The following DPP6 variants were observed in gnomAD, a reference collection of about 807,000 sequenced individuals.
DPP6 encodes the protein A-type potassium channel modulatory protein DPP6.
DPP6 carries 69 observed loss-of-function variants against 122.6 expected under a neutral mutation model. The observed-to-expected ratio is 0.56, with a 90% CI of 0.46 to 0.69. The LOEUF is 0.69. Ranked by LOEUF, DPP6 falls within the 30% of genes least tolerant of loss-of-function variation. The pLI is 0.00. For missense variants in DPP6, 928 were observed against 1,116.9 expected, an observed-to-expected ratio of 0.83 and a Z score of 2.41; for synonymous variants, 418 against 433.1, an observed-to-expected ratio of 0.97 and a Z score of 0.43.
At chr7:153,883,267 A>T (rs1303675344), upstream of DPP6, among the ~76,000 whole-genome samples, 1 of 152,238 alleles carries the variant, frequency 6.6e-6, no homozygotes, top group East Asian at 1.9e-4. Context: ...GCTGTCTTCA[A>T]ATGGTTCCGA....
At chr7:154,470,087 C>CTAAA (rs1267952253) in intron 2 of DPP6, among the ~76,000 whole-genome samples, 3 of 152,182 alleles carry the variant, frequency 2.0e-5, no homozygotes, top group African/African-American at 2.4e-5. Flanking sequence ...ACAAATTGTT[C>CTAAA]TAAATACAAA....
chr7:154,230,201 T>C (rs764636115), intron 1 of DPP6, among the ~76,000 whole-genome samples: 6 of 152,116 alleles, frequency 3.9e-5, no homozygotes, highest in Non-Finnish European at 7.3e-5. Context: ...TCTGATGGTA[T>C]GCACGAAGCA....
At chr7:153,872,462 A>T in the DPP6 span, among the ~76,000 whole-genome samples, 2 of 152,200 alleles carry the variant, frequency 1.3e-5, no homozygotes, top group South Asian at 2.1e-4. Flanking sequence ...TAAATATGTA[A>T]TTTTTATTAA....
upstream of DPP6, among the ~76,000 whole-genome samples, chr7:154,049,618 G>A (rs1378737512): frequency 7.3e-6 from 1 of 136,104 alleles, no homozygotes; most frequent in Non-Finnish European, 1.6e-5. Flanking sequence ...AGATGGAGTC[G>A]TGCTCTGTCG....
At chr7:154,501,466 A>C (rs1400743009) in intron 3 of DPP6, among the ~76,000 whole-genome samples, 8 of 152,166 alleles carry the variant, frequency 5.3e-5, no homozygotes, top group Non-Finnish European at 1.5e-5. Context: ...TGCTGTGTGC[A>C]GCCTAGGGAC....
intron 1 of DPP6, among the ~76,000 whole-genome samples, chr7:154,320,509 A>G (rs1224706960): frequency 1.3e-5 from 2 of 151,900 alleles, no homozygotes; most frequent in Non-Finnish European, 2.9e-5. Flanking sequence ...CTTGAGACAG[A>G]ATTTTCCTCT....
chr7:154,578,690 C>T (rs955839798), intron 5 of DPP6, among the ~76,000 whole-genome samples: 6 of 152,032 alleles, frequency 3.9e-5, no homozygotes, highest in Admixed American at 6.5e-5. Flanking sequence ...CTCTAGTGGA[C>T]GGTGGTGCCA....
intron 5 of DPP6, among the ~76,000 whole-genome samples, chr7:154,573,311 G>A (rs1831247884): frequency 6.6e-6 from 1 of 152,184 alleles, no homozygotes; most frequent in African/African-American, 2.4e-5. Flanking sequence ...AGGGCAAACT[G>A]AAGAGCAGGG....
intron 1 of DPP6, among the ~76,000 whole-genome samples, chr7:154,053,647 T>A (rs906157115): frequency 5.3e-5 from 8 of 151,752 alleles, no homozygotes; most frequent in African/African-American, 1.7e-4. Context: ...AAAAAAAAAA[T>A]ACCAAAATAC....
intron 3 of DPP6, among the ~76,000 whole-genome samples, chr7:154,500,972 C>T (rs1270755789): frequency 6.6e-6 from 1 of 152,182 alleles, no homozygotes; most frequent in African/African-American, 2.4e-5. Flanking sequence ...CAATGAAATC[C>T]AGGCTGAGGT....
At chr7:154,315,403 T>G (rs1807346559) in intron 1 of DPP6, among the ~76,000 whole-genome samples, 1 of 152,128 alleles carries the variant, frequency 6.6e-6, no homozygotes, top group Non-Finnish European at 1.5e-5. Flanking sequence ...CTTTTGAGGA[T>G]CTGATGAAAG....
chr7:154,519,431 T>G (rs1472290994), intron 3 of DPP6, among the ~76,000 whole-genome samples: 1 of 152,210 alleles, frequency 6.6e-6, no homozygotes, highest in East Asian at 1.9e-4. Context: ...ATCCCACGTT[T>G]GTGACACATG....
rs368393564 is a variant in DPP6, at chr7:154,784,622, T to C, written c.1137-9457T>C. ...CAAGTATTGGTCACTGTTGAGAATATACGTGAGACCCTTACCTGTTCCGAG... is the reference window on the plus strand; with the variant it reads ...CAAGTATTGGTCACTGTTGAGAATACACGTGAGACCCTTACCTGTTCCGAG... On this transcript the variant is annotated intron_variant, in intron 10 of 25. Transcript: ENST00000377770. Among the ~76,000 whole-genome samples the C allele has an allele frequency of 1.6e-4, 25 of 152,294 alleles. No homozygotes were observed. In the East Asian group the frequency reaches 2.1e-3, roughly 13 times the overall value.
At chr7:154,338,188 A>C (rs1809601013) in intron 1 of DPP6, among the ~76,000 whole-genome samples, 1 of 151,948 alleles carries the variant, frequency 6.6e-6, no homozygotes, top group Non-Finnish European at 1.5e-5. Flanking sequence ...GAGCAGTTGT[A>C]CTCCAGCAGG....
At chr7:154,166,797 G>A (rs1191494665) in intron 1 of DPP6, among the ~76,000 whole-genome samples, 3 of 149,078 alleles carry the variant, frequency 2.0e-5, no homozygotes, top group African/African-American at 7.7e-5. Flanking sequence ...TGTAATCCCA[G>A]CTACTTGGGA....
chr7:154,863,191 C>T lies in DPP6; in HGVS notation c.1715-4804C>T, dbSNP rs905593436. Among the ~76,000 whole-genome samples, 2 of 152,050 alleles carry T rather than the reference C, an allele frequency of 1.3e-5. No individual in the cohort carries two copies. Among genetic ancestry groups the T allele is most frequent in the South Asian group, 2.1e-4 (1 of 4,818 alleles). On this transcript the variant is annotated intron_variant, in intron 17 of 25. Transcript: ENST00000377770. This position sits in a 1 kb window ranked among gnomAD's most constrained non-coding sequence, Gnocchi z 4.1. The stretch of plus-strand genomic sequence containing the variant: ...CATTGGGATTACAGACGTGAGCCAC[C>T]GCACCCGAACCCTTTCCTTTGTCTT...
At chr7:154,252,848 A>G (rs1585747399) in intron 1 of DPP6, among the ~76,000 whole-genome samples, 1 of 152,288 alleles carries the variant, frequency 6.6e-6, no homozygotes, top group Non-Finnish European at 1.5e-5. Flanking sequence ...GTCCCTAGAC[A>G]TAACTATAAA....
intron 1 of DPP6, among the ~76,000 whole-genome samples, chr7:154,017,149 C>T (rs1235103685): frequency 6.6e-6 from 1 of 152,120 alleles, no homozygotes. Flanking sequence ...CTCACTGCAG[C>T]CTCAACCTCC....
At chr7:154,692,981 G>T (rs1004973918) in intron 7 of DPP6, among the ~76,000 whole-genome samples, 1 of 152,050 alleles carries the variant, frequency 6.6e-6, no homozygotes, top group African/African-American at 2.4e-5. Flanking sequence ...CTGTAGAGAT[G>T]AGGTTTTGCT....
Sources: allele counts gnomAD v4.1 joint callset (sites outside exome capture counted in the v4.1 genomes callset), GRCh38; gene constraint gnomAD v4.1.1; non-coding constraint Gnocchi (gnomAD v3.1); transcripts MANE v1.5; gene names NCBI Gene and HGNC (gene_info 2026-07-23, HGNC 2026-07-21).